Variants in PDE4D observed in about 807,000 individuals in gnomAD.
The protein encoded by PDE4D is phosphodiesterase 4D.
In PDE4D, 24 loss-of-function variants were observed where a neutral mutation model predicts 87.4. The ratio of observed to expected loss-of-function variants is 0.27; its 90% CI spans 0.20 to 0.39. PDE4D has a LOEUF of 0.39. Ranked by LOEUF, PDE4D falls within the 10% of genes least tolerant of loss-of-function variation. PDE4D has a pLI of 1.00. For synonymous variants in PDE4D, 384 were observed against 383.2 expected, an observed-to-expected ratio of 1.00 and a Z score of -0.02; for missense variants, 714 against 1,041.0, an observed-to-expected ratio of 0.69 and a Z score of 4.32.
At chr5:59,367,330 T>C (rs1395306904) in intron 1 of PDE4D, among the ~76,000 whole-genome samples, 1 of 152,244 alleles carries the variant, frequency 6.6e-6, no homozygotes, top group Admixed American at 6.5e-5. Flanking sequence ...CATTAAAATA[T>C]GCACCAAAAT....
chr5:60,051,456 T>G (rs1298237472), intron 2 of PDE4D, among the ~76,000 whole-genome samples: 2 of 151,986 alleles, frequency 1.3e-5, no homozygotes, highest in African/African-American at 4.8e-5. Context: ...ATAATGAAAT[T>G]AAGGTAGAAA....
In PDE4D at chr5:59,325,786, A is replaced by G. The variant is rs377644739; in HGVS notation, c.456-109818T>C. Among the ~76,000 whole-genome samples, 20 of 152,186 alleles carry G rather than the reference A, an allele frequency of 1.3e-4. No homozygotes were observed. The East Asian group carries it at 3.9e-3, about 29-fold the overall frequency. The stretch of plus-strand genomic sequence containing the variant: ...CTTATTCACTAATTTCTATGTGTGG[A>G]GGGGTAGGGGTGTCTAAAATTGTAA... On this transcript the variant is annotated intron_variant, in intron 1 of 14. Coordinates refer to ENST00000340635, the MANE Select transcript of PDE4D (RefSeq NM_001104631.2).
intron 1 of PDE4D, among the ~76,000 whole-genome samples, chr5:60,485,816 A>G (rs1253234523): frequency 6.6e-6 from 1 of 152,156 alleles, no homozygotes; most frequent in Non-Finnish European, 1.5e-5. Flanking sequence ...CACAAGTAAG[A>G]GATATGACTC....
chr5:59,520,555 G>A (rs1416242145), intron 1 of PDE4D, among the ~76,000 whole-genome samples: 7 of 152,056 alleles, frequency 4.6e-5, no homozygotes, highest in East Asian at 1.9e-4. Flanking sequence ...CAGAGAAACC[G>A]AGGTTCACAT....
chr5:60,474,105 C>CATATATATATATGTGTGTATATATAT (rs1491252291), intron 1 of PDE4D, among the ~76,000 whole-genome samples: 4 of 31,002 alleles, frequency 1.3e-4, no homozygotes, highest in Non-Finnish European at 2.3e-4. Flanking sequence ...TTTGAGCTGC[C>CATATATATATATGTGTGTATATATAT]ATATATATAT....
At chr5:59,962,647 C>A (rs929194813) in intron 3 of PDE4D, among the ~76,000 whole-genome samples, 5 of 152,114 alleles carry the variant, frequency 3.3e-5, no homozygotes, top group African/African-American at 1.2e-4. Flanking sequence ...TTTAAAGTAT[C>A]TTCCCAATCT....
rs141978790 is a variant in PDE4D, at chr5:60,284,886, C to T, written c.-89-99199G>A. Among the ~76,000 whole-genome samples the T allele has an allele frequency of 1.9e-4, 27 of 144,800 alleles. No homozygotes were observed. In the East Asian group the frequency reaches 5.0e-3, roughly 27 times the overall value. The allele number at this position is 144,800 out of a possible 152,430, so 95.0% of individuals were successfully genotyped here. A position where few individuals can be genotyped will look rare whatever the true frequency, so the allele number is the denominator to read the frequency against. On this transcript the variant is annotated intron_variant, in intron 1 of 16. Transcript: ENST00000502484. The stretch of plus-strand genomic sequence containing the variant: ...GCAACACTTAAATGCACATAGTTGG[C>T]TACTCTTTTGATGTAGAGCCAAGGC...
chr5:59,574,005 A>AAATAT lies in PDE4D; in HGVS notation c.455+319162_455+319163insATATT, dbSNP rs1266408182. Among the ~76,000 whole-genome samples the AAATAT allele has an allele frequency of 3.3e-4, 39 of 119,682 alleles. 1 individual carries two copies. The highest frequency in any genetic ancestry group is 1.2e-3 in the African/African-American group (34 of 28,512). The allele number at this position is 119,682 out of a possible 152,430, so 78.5% of individuals were successfully genotyped here. On this transcript the variant is annotated intron_variant, in intron 1 of 14. Transcript: ENST00000340635. ...AAAGGGAGACTCTGTCTCAAAAAAA[A>AAATAT]ATATATATATATATATATATATAAA...
chr5:59,375,134 C>T lies in PDE4D; in HGVS notation c.456-159166G>A, dbSNP rs114810472. 5.1e-3 allele frequency among the ~76,000 whole-genome samples: 779 copies of T among 152,150 alleles called. 9 individuals are homozygous for T. Among genetic ancestry groups the T allele is most frequent in the African/African-American group, 0.018 (743 of 41,504 alleles). On this transcript the variant is annotated intron_variant, in intron 1 of 14. Coordinates refer to ENST00000340635, the MANE Select transcript of PDE4D (RefSeq NM_001104631.2). ...ATCACAACTAAAAGAACTAGAGAAC[C>T]AAGAGCAAATAAATTCCAAAGCCAG...
intron 1 of PDE4D, among the ~76,000 whole-genome samples, chr5:59,420,213 A>C (rs984714837): frequency 6.6e-6 from 1 of 152,196 alleles, no homozygotes; most frequent in Non-Finnish European, 1.5e-5. Flanking sequence ...AGAAAGATTA[A>C]TGGGTCTGTG....
At chr5:59,139,027 G>A (rs970934356) in intron 5 of PDE4D, among the ~76,000 whole-genome samples, 2 of 152,132 alleles carry the variant, frequency 1.3e-5, no homozygotes, top group Non-Finnish European at 2.9e-5. Context: ...AAGACTTACA[G>A]GGAGACTGAA....
Position 59,364,793 on chromosome 5 carries a change from C to T in PDE4D, c.456-148825G>A, listed in dbSNP as rs557649266. Among the ~76,000 whole-genome samples, 11 of 152,202 alleles carry T rather than the reference C, an allele frequency of 7.2e-5. No homozygotes were observed. In the South Asian group the frequency reaches 2.3e-3, roughly 32 times the overall value. On this transcript the variant is annotated intron_variant, in intron 1 of 14. Transcript: ENST00000340635. ...TTTGTTCAACAGCTAATCAAACCAA[C>T]CAGCCTCCCTTCCTTTTTTTCTTCC... is the stretch of plus-strand genomic sequence containing the variant.
chr5:60,063,095 G>GAAGAAAGAAAGAAAGA (rs34450673), intron 2 of PDE4D, among the ~76,000 whole-genome samples: 4 of 97,282 alleles, frequency 4.1e-5, no homozygotes, highest in East Asian at 3.2e-4. Context: ...AAGAAAGAAA[G>GAAGAAAGAAAGAAAGA]AAGAAAGAAA....
intron 2 of PDE4D, among the ~76,000 whole-genome samples, chr5:60,055,737 A>T (rs1327800185): frequency 6.6e-6 from 1 of 152,136 alleles, no homozygotes; most frequent in Non-Finnish European, 1.5e-5. Context: ...CTCAGTCAGT[A>T]AGTGGTAGAG....
chr5:59,791,522 C>A (rs943346901), intron 1 of PDE4D, among the ~76,000 whole-genome samples: 1 of 152,180 alleles, frequency 6.6e-6, no homozygotes, highest in African/African-American at 2.4e-5. Context: ...GCCAAGCACA[C>A]CCTCAACTCG....
intron 1 of PDE4D, among the ~76,000 whole-genome samples, chr5:59,530,284 A>T (rs901264538): frequency 1.3e-5 from 2 of 152,268 alleles, no homozygotes; most frequent in Admixed American, 6.5e-5. Flanking sequence ...CTTAAAAAAA[A>T]ATCAGACAGT....
chr5:59,806,391 T>C (rs1051554269), intron 1 of PDE4D, among the ~76,000 whole-genome samples: 3 of 152,222 alleles, frequency 2.0e-5, no homozygotes, highest in Non-Finnish European at 4.4e-5. Context: ...TGGAAACAGT[T>C]AATACCAGAG....
At chr5:60,501,083 C>A (rs1462581556) in intron 1 of PDE4D, among the ~76,000 whole-genome samples, 36 of 151,846 alleles carry the variant, frequency 2.4e-4, no homozygotes, top group Non-Finnish European at 1.5e-5. Context: ...ATGTGCCATG[C>A]TGGTGTGCTG....
intron 1 of PDE4D, among the ~76,000 whole-genome samples, chr5:59,272,433 G>A (rs1427062423): frequency 3.9e-5 from 6 of 152,014 alleles, no homozygotes. Context: ...AGATATGCAA[G>A]AAAGGCAAAC....
Sources: gnomAD v4.1 joint callset for allele counts (sites outside exome capture counted in the v4.1 genomes callset) on GRCh38, gnomAD v4.1.1 for gene constraint, MANE v1.5 for transcripts, NCBI Gene and HGNC (gene_info 2026-07-23, HGNC 2026-07-21) for gene names.